The following MTMR12 variants were observed in gnomAD, a reference collection of about 807,000 sequenced individuals.
MTMR12 encodes myotubularin-related protein 12.
A neutral mutation model predicts 96.7 loss-of-function variants in MTMR12; 33 were observed. That is an observed-to-expected ratio of 0.34 (90% CI 0.26 to 0.46). The LOEUF (loss-of-function observed/expected upper bound fraction) is 0.46. MTMR12 is among the 20% of genes least tolerant of loss of function. MTMR12 has a pLI of 1.00. For missense variants in MTMR12, 721 were observed against 896.1 expected (o/e 0.80, Z 2.49); for synonymous variants, 298 against 327.2 (o/e 0.91, Z 0.96).
chr5:32,304,011 A>C (rs1751253361), intron 1 of MTMR12, among the ~76,000 whole-genome samples: 1 of 152,128 alleles, frequency 6.6e-6, no homozygotes, highest in Admixed American at 6.6e-5. Flanking sequence ...GTAGGCTATA[A>C]ATTTTTACAC....
chr5:32,288,386 C>T (rs1409556068), intron 1 of MTMR12, among the ~76,000 whole-genome samples: 1 of 152,142 alleles, frequency 6.6e-6, no homozygotes, highest in Non-Finnish European at 1.5e-5. Flanking sequence ...CACTGATGGC[C>T]TCCCCTGAGG....
intron 1 of MTMR12, among the ~76,000 whole-genome samples, chr5:32,297,995 T>C (rs1750991786): frequency 6.6e-6 from 1 of 152,234 alleles, no homozygotes; most frequent in Non-Finnish European, 1.5e-5. Context: ...AAGCTAATGC[T>C]CCTTCAACAG....
In MTMR12 at chr5:32,270,927, TTTTC is replaced by T; in HGVS notation, c.375_378del (p.Lys126LeufsTer6). The T allele has an allele frequency of 6.2e-7, 1 of 1,613,284 alleles. No homozygotes were observed. The highest frequency in any genetic ancestry group is 8.5e-7 in the Non-Finnish European group (1 of 1,179,734). On this transcript the variant is annotated frameshift_variant, in exon 5 of 16. Transcript: ENST00000382142. LOFTEE classifies it high-confidence loss of function. ...TATTTCTTCAGTTGTCCAAAGAGAG[TTTTC>T]TTTTTCTCATCAAACACTACAGATC...
chr5:32,281,255 AAAAAAAAAAC>A lies in MTMR12; in HGVS notation c.82-4523_82-4514del, dbSNP rs1478048396. Among the ~76,000 whole-genome samples the A allele has an allele frequency of 4.0e-5, 6 of 150,092 alleles. 1 individual carries two copies. The highest frequency in any genetic ancestry group is 3.9e-4 in the East Asian group (2 of 5,116). Reference sequence around the variant, plus strand: ...AGAAGGAGACTCTATCATTAAAAAAAAAAAAAAAACAAAAAAAACTGTTACATGAGACTAG... The same window carrying A: ...AGAAGGAGACTCTATCATTAAAAAAAAAAAAAAACTGTTACATGAGACTAG... On this transcript the variant is annotated intron_variant, in intron 1 of 15. Transcript: ENST00000382142.
In MTMR12 at chr5:32,248,138, A is replaced by G. The variant is rs1748772348; in HGVS notation, c.897-12T>C. 7 of 1,612,642 alleles carry G rather than the reference A, an allele frequency of 4.3e-6. No individual in the cohort carries two copies. The highest frequency in any genetic ancestry group is 5.9e-6 in the Non-Finnish European group (7 of 1,179,180). ...TGGTCTTGTAAATTCTAGGTATCAAAAAGGAATATGAGATTAGAAGAGCAA... is the reference window on the plus strand; with the variant it reads ...TGGTCTTGTAAATTCTAGGTATCAAGAAGGAATATGAGATTAGAAGAGCAA... On this transcript the variant is annotated splice_polypyrimidine_tract_variant and intron_variant, in intron 9 of 15. Transcript: ENST00000382142.
chr5:32,240,645 G>C (rs1440090307), intron 12 of MTMR12, among the ~76,000 whole-genome samples: 1 of 152,164 alleles, frequency 6.6e-6, no homozygotes, highest in Non-Finnish European at 1.5e-5. Flanking sequence ...CTGTCACCCA[G>C]GCTGGAGTGC....
intron 12 of MTMR12, among the ~76,000 whole-genome samples, chr5:32,240,229 T>C (rs1226033192): frequency 6.6e-6 from 1 of 151,756 alleles, no homozygotes; most frequent in Non-Finnish European, 1.5e-5. Flanking sequence ...TGAAACCCCG[T>C]CTCTACTAAA....
intron 7 of MTMR12, among the ~76,000 whole-genome samples, chr5:32,260,166 G>A (rs1749306776): frequency 6.6e-6 from 1 of 151,524 alleles, no homozygotes; most frequent in South Asian, 2.1e-4. Context: ...CTGTGGCAGG[G>A]AGGTCAGTAT....
Position 32,312,909 on chromosome 5 carries a change from G to A in MTMR12, c.-71C>T, listed in dbSNP as rs974986570. ...CTCGGGCTCCAGCTGGGGCAGCAGC[G>A]GCGGCCACCAGCACTAGCGGCTGGG... On this transcript the variant is annotated 5_prime_UTR_variant, in exon 1 of 16. Coordinates refer to ENST00000382142, the MANE Select transcript of MTMR12 (RefSeq NM_001040446.3). This position sits in a 1 kb window ranked among gnomAD's most constrained non-coding sequence, Gnocchi z 5.0. 8 of 1,387,250 alleles carry A rather than the reference G, an allele frequency of 5.8e-6. No homozygotes were observed. Among genetic ancestry groups the A allele is most frequent in the East Asian group, 3.0e-5 (1 of 33,832 alleles). 85.9% of individuals were successfully genotyped at this position (1,387,250 alleles called of 1,614,324 possible). A position where few individuals can be genotyped will look rare whatever the true frequency, so the allele number is the denominator to read the frequency against.
intron 1 of MTMR12, among the ~76,000 whole-genome samples, chr5:32,311,897 T>C (rs968551462): frequency 7.9e-5 from 12 of 152,276 alleles, no homozygotes; most frequent in Admixed American, 1.3e-4. Flanking sequence ...AGGAAAAAGA[T>C]TTCTTTTCTT....
In MTMR12 at chr5:32,242,109, T is replaced by A; in HGVS notation, c.1119A>T (p.Ala373=). Residue 373 remains alanine, a synonymous_variant, in exon 12 of 16, where the codon GCA becomes GCT. Transcript: ENST00000382142. ...LDIIRRCLKK[A]IEITECMEAQ... is the part of the protein sequence containing the mutation. ...CTTCCATACATTCTGTAATCTCTAT[T>A]GCTTTTTTCAGGCAACGTCTGAATA... 6.2e-7 allele frequency: 1 copy of A among 1,613,010 alleles called. No homozygotes were observed. Among genetic ancestry groups the A allele is most frequent in the Non-Finnish European group, 8.5e-7 (1 of 1,179,274 alleles).
At chr5:32,238,860 G>A in intron 13 of MTMR12, 141 bp downstream of exon 13, 1 of 919,256 alleles carries the variant, frequency 1.1e-6, no homozygotes, top group Non-Finnish European at 1.5e-6. Flanking sequence ...ATCACACAAT[G>A]AAACGATCCT....
At chr5:32,267,032 A>AT (rs1316127066) in intron 6 of MTMR12, among the ~76,000 whole-genome samples, 1 of 152,098 alleles carries the variant, frequency 6.6e-6, no homozygotes, top group Non-Finnish European at 1.5e-5. Flanking sequence ...GTGAGCCAAG[A>AT]TCACGCCAGT....
chr5:32,272,401 G>A (rs1290335370), intron 3 of MTMR12, among the ~76,000 whole-genome samples: 1 of 152,078 alleles, frequency 6.6e-6, no homozygotes, highest in Non-Finnish European at 1.5e-5. Flanking sequence ...CTGAGACAGG[G>A]TTTAGTTCTG....
At chr5:32,281,793 A>G (rs1427499808) in intron 1 of MTMR12, among the ~76,000 whole-genome samples, 1 of 151,416 alleles carries the variant, frequency 6.6e-6, no homozygotes, top group Non-Finnish European at 1.5e-5. Flanking sequence ...CCAGCTACTC[A>G]GGAGGCTGAG....
intron 10 of MTMR12, 198 bp downstream of exon 10, chr5:32,247,804 G>A: frequency 1.0e-6 from 1 of 985,132 alleles, no homozygotes; most frequent in Non-Finnish European, 1.2e-6. Flanking sequence ...CAATAAGGAG[G>A]CGGGGAGGGA....
intron 1 of MTMR12, among the ~76,000 whole-genome samples, chr5:32,287,918 A>G (rs1379763431): frequency 2.6e-5 from 4 of 152,170 alleles, no homozygotes; most frequent in Non-Finnish European, 4.4e-5. Context: ...AGTTCAGTGG[A>G]CAAAGTGATG....
chr5:32,306,510 C>T (rs1173637941), intron 1 of MTMR12, among the ~76,000 whole-genome samples: 1 of 152,094 alleles, frequency 6.6e-6, no homozygotes, highest in South Asian at 2.1e-4. Context: ...CAACAGAATA[C>T]ATTTTTTCCT....
At chr5:32,311,575 T>C (rs1248257932) in intron 1 of MTMR12, among the ~76,000 whole-genome samples, 1 of 152,212 alleles carries the variant, frequency 6.6e-6, no homozygotes, top group Non-Finnish European at 1.5e-5. Flanking sequence ...GCACTTCTGC[T>C]GGAGAGAAGG....
Sources: allele counts gnomAD v4.1 joint callset (sites outside exome capture counted in the v4.1 genomes callset), GRCh38; gene constraint gnomAD v4.1.1; non-coding constraint Gnocchi (gnomAD v3.1); transcripts MANE v1.5; gene names NCBI Gene and HGNC (gene_info 2026-07-23, HGNC 2026-07-21).